Variants in AKAP13 observed in about 807,000 individuals in gnomAD.
The protein encoded by AKAP13 is A-kinase anchoring protein 13, also known as A-kinase anchor protein 13.
In AKAP13, 80 loss-of-function variants were observed where a neutral mutation model predicts 264.5. That is an observed-to-expected ratio of 0.30 (90% CI 0.25 to 0.36). AKAP13 has a LOEUF of 0.36. AKAP13 is among the 10% of genes least tolerant of loss of function. AKAP13 has a pLI of 1.00. For synonymous variants in AKAP13, 1,380 were observed against 1,250.2 expected (o/e 1.10, Z -2.19); for missense variants, 3,712 against 3,435.2 (o/e 1.08, Z -2.01).
intron 1 of AKAP13, among the ~76,000 whole-genome samples, chr15:85,384,575 G>A (rs553693627): frequency 2.0e-5 from 3 of 152,108 alleles, no homozygotes; most frequent in African/African-American, 4.8e-5. Context: ...AAACTAGCCC[G>A]GCAGGGTGGC....
At chr15:85,631,469 AACAC>A (rs1174686413) in intron 8 of AKAP13, among the ~76,000 whole-genome samples, 3 of 149,988 alleles carry the variant, frequency 2.0e-5, no homozygotes, top group South Asian at 2.1e-4. Flanking sequence ...AATGCAAAAT[AACAC>A]ACACACACTT....
intron 1 of AKAP13, among the ~76,000 whole-genome samples, chr15:85,424,907 G>C (rs376219720): frequency 1.3e-5 from 2 of 152,210 alleles, no homozygotes; most frequent in Non-Finnish European, 2.9e-5. Flanking sequence ...AGATGGGGTA[G>C]CAGCAAGTTG....
At chr15:85,389,972 A>G (rs1421986601) in intron 1 of AKAP13, 1 of 152,230 alleles carries the variant, frequency 6.6e-6, no homozygotes, top group Non-Finnish European at 1.5e-5. Flanking sequence ...GTAGTGAGTC[A>G]GTGGGTAGAG....
At chr15:85,474,286 C>A (rs1487685902) in intron 1 of AKAP13, among the ~76,000 whole-genome samples, 1 of 152,196 alleles carries the variant, frequency 6.6e-6, no homozygotes, top group East Asian at 1.9e-4. Flanking sequence ...TTTCCCTCTG[C>A]CCCACTCCCC....
chr15:85,721,961 G>A (rs2087320017), intron 23 of AKAP13, 30 bp from the exon 24 acceptor site: 1 of 1,612,152 alleles, frequency 6.2e-7, no homozygotes, highest in South Asian at 1.1e-5. Flanking sequence ...GGCGCCCCAT[G>A]GCATAACTTC....
intron 2 of AKAP13, among the ~76,000 whole-genome samples, chr15:85,516,803 A>G (rs1373110037): frequency 6.6e-6 from 1 of 152,230 alleles, no homozygotes; most frequent in Non-Finnish European, 1.5e-5. Context: ...CACATTACGA[A>G]TACAGATTTG....
intron 1 of AKAP13, among the ~76,000 whole-genome samples, chr15:85,448,952 G>A (rs1315788469): frequency 6.7e-6 from 1 of 150,356 alleles, no homozygotes; most frequent in Non-Finnish European, 1.5e-5. Flanking sequence ...GTCGTTGGTA[G>A]TTTAATAGAA....
At chr15:85,693,575 A>G (rs1386036412) in intron 17 of AKAP13, 124 bp downstream of exon 17, 1 of 1,456,850 alleles carries the variant, frequency 6.9e-7, no homozygotes, top group Non-Finnish European at 9.1e-7. Context: ...CCCTTTTTAT[A>G]TCTTTCTTTA....
chr15:85,693,138 C>T, intron 16 of AKAP13, 139 bp from the exon 17 acceptor site: 1 of 1,351,756 alleles, frequency 7.4e-7, no homozygotes, highest in Middle Eastern at 2.7e-4. Context: ...AAACAAAACA[C>T]TTTGCCCAGA....
At position 85,741,039 on chromosome 15, in the gene AKAP13, C is replaced by G; in HGVS notation, c.7609-7C>G. The G allele has an allele frequency of 6.3e-7, 1 of 1,599,154 alleles. No homozygotes were observed. Among genetic ancestry groups the G allele is most frequent in the Non-Finnish European group, 8.5e-7 (1 of 1,171,590 alleles). ...AGTTGCAGGGCTCCCCTCTGTGTGCCTCCCAGGGTGTGGTGCTGCAGCAGG... is the reference window on the plus strand; with the variant it reads ...AGTTGCAGGGCTCCCCTCTGTGTGCGTCCCAGGGTGTGGTGCTGCAGCAGG... On this transcript the variant is annotated splice_region_variant and splice_polypyrimidine_tract_variant and intron_variant, in intron 34 of 36. Transcript: ENST00000394518.
chr15:85,457,870 G>A (rs1387646693), intron 1 of AKAP13, among the ~76,000 whole-genome samples: 3 of 152,134 alleles, frequency 2.0e-5, no homozygotes, highest in Non-Finnish European at 2.9e-5. Context: ...GGCCGGGTGT[G>A]GTGGCTTATG....
At chr15:85,730,363 T>G (rs2087914669) in intron 29 of AKAP13, 150 bp from the exon 30 acceptor site, 3 of 720,202 alleles carry the variant, frequency 4.2e-6, no homozygotes, top group Non-Finnish European at 7.0e-6. Flanking sequence ...AATATTGCTG[T>G]CTTGATGAAA....
chr15:85,554,469 C>T (rs1370553443), intron 5 of AKAP13, among the ~76,000 whole-genome samples: 1 of 152,156 alleles, frequency 6.6e-6, no homozygotes, highest in African/African-American at 2.4e-5. Context: ...TATCTCTTAA[C>T]CTAGTGGGGA....
chr15:85,575,033 G>T (rs1050801713), intron 5 of AKAP13, 98 bp from the exon 6 acceptor site: 1 of 1,229,132 alleles, frequency 8.1e-7, no homozygotes, highest in Non-Finnish European at 1.2e-6. Flanking sequence ...GAACCTCAAA[G>T]AACAATCAGG....
intron 1 of AKAP13, among the ~76,000 whole-genome samples, chr15:85,416,644 T>C (rs1157384950): frequency 6.6e-6 from 1 of 152,160 alleles, no homozygotes; most frequent in African/African-American, 2.4e-5. Flanking sequence ...ACTTGCAGGG[T>C]GTGTTAAGTA....
At chr15:85,405,981 G>A (rs35127116) in intron 1 of AKAP13, among the ~76,000 whole-genome samples, 82,185 of 151,848 alleles carry the variant, frequency 0.54, 23,108 homozygotes, top group African/African-American at 0.66. Context: ...TTGAGTAGCT[G>A]CATCTACAGG....
At chr15:85,381,078 G>A (rs1231137280) in intron 1 of AKAP13, among the ~76,000 whole-genome samples, 2 of 152,010 alleles carry the variant, frequency 1.3e-5, no homozygotes, top group East Asian at 1.9e-4. Context: ...AGAGGCCGTC[G>A]CCGCTTTCCG....
chr15:85,443,197 C>T (rs1011422565), intron 1 of AKAP13, among the ~76,000 whole-genome samples: 1 of 150,806 alleles, frequency 6.6e-6, no homozygotes, highest in Non-Finnish European at 1.5e-5. Context: ...ATTTAGAAGT[C>T]CCAAGATCCC....
intron 1 of AKAP13, among the ~76,000 whole-genome samples, chr15:85,449,879 C>CT (rs1175955756): frequency 6.6e-6 from 1 of 151,988 alleles, no homozygotes; most frequent in Non-Finnish European, 1.5e-5. Context: ...GAAGTTTTCT[C>CT]TTTTTTTGTA....
Sources: allele counts gnomAD v4.1 joint callset (sites outside exome capture counted in the v4.1 genomes callset), GRCh38; gene constraint gnomAD v4.1.1; transcripts MANE v1.5; gene names NCBI Gene and HGNC (gene_info 2026-07-23, HGNC 2026-07-21).